Variants in AFF2 observed in about 807,000 individuals in gnomAD.
AFF2 encodes AF4/FMR2 family member 2.
In AFF2, 14 loss-of-function variants were observed where a neutral mutation model predicts 76.9. The ratio of observed to expected loss-of-function variants is 0.18; its 90% confidence interval spans 0.12 to 0.28. The LOEUF (loss-of-function observed/expected upper bound fraction) is 0.28, where lower values mean the gene tolerates loss of function less well. AFF2 is among the 10% of genes least tolerant of loss of function. The probability of loss-of-function intolerance (pLI) is 1.00; values close to 1 mark genes in which losing one functional copy is unlikely to be tolerated. For missense variants in AFF2, 868 were observed against 1,001.1 expected (o/e 0.87, Z 1.79); for synonymous variants, 398 against 366.7 (o/e 1.09, Z -0.98).
At chrX:148,864,087 G>A (rs1557276653) in intron 7 of AFF2, among the ~76,000 whole-genome samples, 2 of 111,614 alleles carry the variant, frequency 1.8e-5, no homozygotes, top group African/African-American at 6.5e-5. Flanking sequence ...AGTGTACTGT[G>A]AGCAAGTCGT....
At chrX:148,684,924 G>A (rs2054586574) in intron 3 of AFF2, among the ~76,000 whole-genome samples, 1 of 112,131 alleles carries the variant, frequency 8.9e-6, no homozygotes, top group African/African-American at 3.2e-5. Context: ...TGTATGTTTA[G>A]GAATCAAAGC....
rs374533013 is a variant in AFF2 at position 148,564,470 on chromosome X, A to G, written c.47+63326A>G. Among the ~76,000 whole-genome samples, 705 of 98,820 alleles carry G rather than the reference A, an allele frequency of 7.1e-3. 4 individuals carry two copies. The highest frequency in any genetic ancestry group is 0.025 in the African/African-American group (684 of 27,723). The allele number at this position is 98,820 out of a possible 115,157, so 85.8% of individuals were successfully genotyped here. On this transcript the variant is annotated intron_variant, in intron 1 of 20. Coordinates refer to ENST00000370460, the MANE Select transcript of AFF2 (RefSeq NM_002025.4). ...ATTTGGTAGTTCCCTCTTGATTTGAAAAAAAAAAAAAAAAATCAACGTTAC... is the reference window on the plus strand; with the variant it reads ...ATTTGGTAGTTCCCTCTTGATTTGAGAAAAAAAAAAAAAAATCAACGTTAC...
chrX:148,827,213 A>G (rs1460557087), intron 4 of AFF2, among the ~76,000 whole-genome samples: 1 of 111,567 alleles, frequency 9.0e-6, no homozygotes, highest in Non-Finnish European at 1.9e-5. Context: ...GACCAAAGCT[A>G]TAGCCAAGTT....
intron 1 of AFF2, among the ~76,000 whole-genome samples, chrX:148,588,837 G>A (rs782297915): frequency 4.5e-5 from 5 of 111,506 alleles, no homozygotes; most frequent in Non-Finnish European, 7.5e-5. Flanking sequence ...GTGAGTCGGC[G>A]TCAGAACTTG....
chrX:148,672,186 T>C (rs782369470), intron 3 of AFF2, among the ~76,000 whole-genome samples: 1 of 112,421 alleles, frequency 8.9e-6, no homozygotes, highest in Non-Finnish European at 1.9e-5. Flanking sequence ...TTTGGTATTT[T>C]CTATTTGACA....
chrX:148,985,500 T>G (rs1402175956), intron 19 of AFF2, among the ~76,000 whole-genome samples: 1 of 108,749 alleles, frequency 9.2e-6, no homozygotes, highest in Non-Finnish European at 1.9e-5. Flanking sequence ...ATGACAACTT[T>G]GTCATTTTCT....
At position 148,998,795 on chromosome X, in the gene AFF2, C is replaced by T. The variant is rs782043244; in HGVS notation, c.*7463C>T. ...CTCCTTTTCCTTTTCCATTATTTTT[C>T]GATGGGGGGGTTGTTATCATTGACT... On this transcript the variant is annotated 3_prime_UTR_variant, in exon 21 of 21. Coordinates refer to ENST00000370460, the MANE Select transcript of AFF2 (RefSeq NM_002025.4). The T allele has an allele frequency of 2.8e-5, 3 of 105,848 alleles. No homozygotes were observed. The highest frequency in any genetic ancestry group is 8.5e-4 in the South Asian group (2 of 2,340). 8.7% of individuals were successfully genotyped at this position (105,848 alleles called of 1,213,427 possible). A position where few individuals can be genotyped will look rare whatever the true frequency, so the allele number is the denominator to read the frequency against.
chrX:148,609,525 C>A (rs782661457), intron 1 of AFF2, among the ~76,000 whole-genome samples: 1 of 111,703 alleles, frequency 9.0e-6, no homozygotes, highest in Non-Finnish European at 1.9e-5. Flanking sequence ...AAAAGGGGTT[C>A]TCACTATTTT....
At chrX:148,612,261 C>A (rs1345260288) in intron 1 of AFF2, among the ~76,000 whole-genome samples, 1 of 111,739 alleles carries the variant, frequency 8.9e-6, no homozygotes, top group Non-Finnish European at 1.9e-5. Flanking sequence ...AAAGAGAGTT[C>A]TTATCTATGG....
intron 1 of AFF2, among the ~76,000 whole-genome samples, chrX:148,605,218 C>T (rs981507793): frequency 3.6e-5 from 4 of 111,715 alleles, no homozygotes; most frequent in South Asian, 7.4e-4. Flanking sequence ...GTGAATATTA[C>T]GGTTGAGCAA....
At chrX:148,680,506 C>T (rs1404067691) in intron 3 of AFF2, among the ~76,000 whole-genome samples, 5 of 110,534 alleles carry the variant, frequency 4.5e-5, no homozygotes, top group African/African-American at 1.6e-4. Flanking sequence ...TAGGAGTAAG[C>T]GTGGTTTCGG....
chrX:148,635,602 T>C (rs1282475754), intron 1 of AFF2, among the ~76,000 whole-genome samples: 1 of 111,720 alleles, frequency 9.0e-6, no homozygotes, highest in Non-Finnish European at 1.9e-5. Context: ...AACAGCCCCA[T>C]CAGAGAGGAA....
At chrX:148,901,019 A>C (rs1353355359) in intron 8 of AFF2, among the ~76,000 whole-genome samples, 1 of 112,396 alleles carries the variant, frequency 8.9e-6, no homozygotes, top group Non-Finnish European at 1.9e-5. Flanking sequence ...GGTGCACTGC[A>C]TTTGCATATC....
At chrX:148,914,641 A>T (rs1232340683) in intron 9 of AFF2, among the ~76,000 whole-genome samples, 1 of 111,988 alleles carries the variant, frequency 8.9e-6, no homozygotes, top group Non-Finnish European at 1.9e-5. Flanking sequence ...GCTCATATAG[A>T]GTTCCTGTAA....
At chrX:148,845,093 A>C (rs940006933) in intron 7 of AFF2, among the ~76,000 whole-genome samples, 6 of 96,512 alleles carry the variant, frequency 6.2e-5, no homozygotes, top group Non-Finnish European at 1.3e-4. Flanking sequence ...CCCATTAAAA[A>C]GTCAATAAGA....
chrX:148,719,483 C>A (rs1557263620), intron 3 of AFF2, among the ~76,000 whole-genome samples: 1 of 111,582 alleles, frequency 9.0e-6, no homozygotes, highest in East Asian at 2.8e-4. Context: ...CTGACTGTCC[C>A]TTTTGGAACT....
rs781900583 is a variant in AFF2 at position 148,753,314 on chromosome X, G to A, written c.1042-56562G>A. 6.2e-5 allele frequency among the ~76,000 whole-genome samples: 7 copies of A among 112,148 alleles called. No homozygotes were observed. In the South Asian group the frequency reaches 2.2e-3, roughly 35 times the overall value. ...AATTCTTCAAAAGAATCCATGAATT[G>A]TAACTGCTCTGATAGTTCTGCAGCT... On this transcript the variant is annotated intron_variant, in intron 3 of 20. Coordinates refer to ENST00000370460, the MANE Select transcript of AFF2 (RefSeq NM_002025.4).
intron 8 of AFF2, among the ~76,000 whole-genome samples, chrX:148,896,309 T>C (rs1326928477): frequency 3.6e-5 from 4 of 111,981 alleles, no homozygotes; most frequent in African/African-American, 1.3e-4. Flanking sequence ...CCATTAAGTC[T>C]TCACAGTGTG....
intron 3 of AFF2, among the ~76,000 whole-genome samples, chrX:148,693,413 A>T (rs1185131341): frequency 8.9e-6 from 1 of 112,081 alleles, no homozygotes; most frequent in Non-Finnish European, 1.9e-5. Flanking sequence ...AGAGGCAGGG[A>T]TCTGGGACAC....
Sources: gnomAD v4.1 joint callset for allele counts (sites outside exome capture counted in the v4.1 genomes callset) on GRCh38, gnomAD v4.1.1 for gene constraint, MANE v1.5 for transcripts, NCBI Gene and HGNC (gene_info 2026-07-23, HGNC 2026-07-21) for gene names.